The following WNT3 variants were observed in gnomAD, a reference collection of about 807,000 sequenced individuals.
The protein encoded by WNT3 is Wnt family member 3, also known as proto-oncogene Wnt-3.
A neutral mutation model predicts 34.2 loss-of-function variants in WNT3; 7 were observed. That is an observed-to-expected ratio of 0.20 (90% CI 0.12 to 0.38). The LOEUF (loss-of-function observed/expected upper bound fraction) is 0.38. Among genes scored for constraint, WNT3 ranks in the 10% least tolerant of loss-of-function variants. The pLI is 1.00. For synonymous variants in WNT3, 212 were observed against 211.5 expected, an observed-to-expected ratio of 1.00 and a Z score of -0.02; for missense variants, 267 against 499.8, an observed-to-expected ratio of 0.53 and a Z score of 4.44.
chr17:46,790,177 G>T (rs534874230), intron 1 of WNT3, among the ~76,000 whole-genome samples: 1 of 152,040 alleles, frequency 6.6e-6, no homozygotes, highest in Non-Finnish European at 1.5e-5. Context: ...CCATTCCTCC[G>T]CAGGCTCCTT....
chr17:46,809,844 C>T (rs2084247917), intron 1 of WNT3, among the ~76,000 whole-genome samples: 1 of 152,096 alleles, frequency 6.6e-6, no homozygotes, highest in African/African-American at 2.4e-5. Flanking sequence ...CATCAGGACC[C>T]CTACAGGAAG....
chr17:46,801,112 T>C (rs768881453), intron 1 of WNT3, among the ~76,000 whole-genome samples: 1 of 152,196 alleles, frequency 6.6e-6, no homozygotes, highest in Non-Finnish European at 1.5e-5. Context: ...TATCCCCATT[T>C]TGCAGAGAGA....
intron 1 of WNT3, 136 bp from the exon 2 acceptor site, chr17:46,774,045 C>T: frequency 7.6e-7 from 1 of 1,312,402 alleles, no homozygotes; most frequent in South Asian, 1.3e-5. Flanking sequence ...AATGTGCTAC[C>T]TTTGACCTCG....
At chr17:46,766,540 CCA>C (rs1381061682) in intron 4 of WNT3, among the ~76,000 whole-genome samples, 1 of 152,192 alleles carries the variant, frequency 6.6e-6, no homozygotes, top group East Asian at 1.9e-4. Flanking sequence ...CTCCCACTCC[CCA>C]CACTGCTTTT....
At chr17:46,786,073 C>T (rs544627176) in intron 1 of WNT3, among the ~76,000 whole-genome samples, 25 of 147,848 alleles carry the variant, frequency 1.7e-4, no homozygotes, top group Non-Finnish European at 3.3e-4. Context: ...CCCCCCACCC[C>T]TTCATTTCAC....
chr17:46,779,103 A>ACACACACCC (rs749719578), intron 1 of WNT3, among the ~76,000 whole-genome samples: 16 of 133,662 alleles, frequency 1.2e-4, no homozygotes, highest in Admixed American at 3.1e-4. Flanking sequence ...ACACACACAC[A>ACACACACCC]CCCCAGCCCA....
intron 1 of WNT3, among the ~76,000 whole-genome samples, chr17:46,784,417 C>G (rs1283566849): frequency 6.6e-6 from 1 of 151,938 alleles, no homozygotes; most frequent in Admixed American, 6.6e-5. Context: ...TTGTAAGGAG[C>G]TAAAAGTTGA....
intron 1 of WNT3, among the ~76,000 whole-genome samples, chr17:46,806,569 T>C (rs1482902416): frequency 6.6e-6 from 1 of 152,186 alleles, no homozygotes; most frequent in Non-Finnish European, 1.5e-5. Context: ...GAGGCTGCTT[T>C]AGCTTCCAGG....
chr17:46,815,717 A>ACAG (rs2084332845), intron 1 of WNT3, among the ~76,000 whole-genome samples: 1 of 152,168 alleles, frequency 6.6e-6, no homozygotes, highest in African/African-American at 2.4e-5. Flanking sequence ...GCCTGGACAG[A>ACAG]CAGGACAAGC....
chr17:46,814,191 C>T (rs780235606), intron 1 of WNT3, among the ~76,000 whole-genome samples: 2 of 152,192 alleles, frequency 1.3e-5, no homozygotes, highest in Non-Finnish European at 2.9e-5. Flanking sequence ...CACCTCTTGG[C>T]CCCGGAGCTG....
intron 1 of WNT3, among the ~76,000 whole-genome samples, chr17:46,810,004 C>CTTTTTTTTT (rs11292601): frequency 7.1e-5 from 9 of 126,360 alleles, no homozygotes; most frequent in Non-Finnish European, 9.9e-5. Flanking sequence ...TTCTTTCTTT[C>CTTTTTTTTT]TTTTTTTTTT....
intron 1 of WNT3, among the ~76,000 whole-genome samples, chr17:46,775,362 C>T (rs2059404745): frequency 6.6e-6 from 1 of 152,280 alleles, no homozygotes; most frequent in South Asian, 2.1e-4. Context: ...TGGCCTTGGC[C>T]AATTCGTGGA....
intron 1 of WNT3, among the ~76,000 whole-genome samples, chr17:46,790,935 G>A (rs779662102): frequency 3.3e-5 from 5 of 152,214 alleles, no homozygotes; most frequent in Admixed American, 6.5e-5. Context: ...AGCCTCATGC[G>A]TCATCTGGAA....
intron 1 of WNT3, among the ~76,000 whole-genome samples, chr17:46,783,226 T>G (rs187380674): frequency 1.3e-4 from 20 of 152,306 alleles, no homozygotes; most frequent in Non-Finnish European, 2.5e-4. Flanking sequence ...GATAAAACCA[T>G]GAAGGAGCAG....
At chr17:46,795,248 C>T (rs533840236) in intron 1 of WNT3, among the ~76,000 whole-genome samples, 2 of 152,318 alleles carry the variant, frequency 1.3e-5, no homozygotes, top group South Asian at 4.1e-4. Context: ...CCTCCTACCC[C>T]ACACCAGCGC....
chr17:46,816,444 C>T (rs2084348020), intron 1 of WNT3, among the ~76,000 whole-genome samples: 2 of 146,328 alleles, frequency 1.4e-5, no homozygotes, highest in South Asian at 4.4e-4. Context: ...GTATAGAAAA[C>T]ACCTCTTAGG....
At chr17:46,795,654 G>A (rs1014009663) in intron 1 of WNT3, among the ~76,000 whole-genome samples, 1 of 152,188 alleles carries the variant, frequency 6.6e-6, no homozygotes, top group African/African-American at 2.4e-5. Flanking sequence ...AGTGGGTGAC[G>A]ACACCAAGCC....
intron 1 of WNT3, among the ~76,000 whole-genome samples, chr17:46,775,223 C>G (rs73987030): frequency 0.047 from 7,155 of 152,322 alleles, 555 homozygotes; most frequent in African/African-American, 0.16. Flanking sequence ...AAGAACATCA[C>G]TATCTCCTGG....
chr17:46,767,949 C>T (rs537753140), intron 4 of WNT3, among the ~76,000 whole-genome samples: 32 of 152,208 alleles, frequency 2.1e-4, no homozygotes, highest in African/African-American at 7.0e-4. Flanking sequence ...CCACAACGCC[C>T]GGCTAATTTT....
Sources: allele counts gnomAD v4.1 joint callset (sites outside exome capture counted in the v4.1 genomes callset), GRCh38; gene constraint gnomAD v4.1.1; transcripts MANE v1.5; gene names NCBI Gene and HGNC (gene_info 2026-07-23, HGNC 2026-07-21).